GRID2: variants seen among roughly 807,000 people sequenced by gnomAD.
GRID2 encodes the protein glutamate receptor ionotropic, delta-2.
GRID2 carries 33 observed loss-of-function variants against 114.8 expected under a neutral mutation model. The ratio of observed to expected loss-of-function variants is 0.29; its 90% confidence interval spans 0.22 to 0.38. The LOEUF is 0.38. Ranked by LOEUF, GRID2 falls within the 10% of genes least tolerant of loss-of-function variation. The pLI, the probability that GRID2 is intolerant of heterozygous loss-of-function variation, is 1.00. For missense variants in GRID2, 1,184 were observed against 1,257.7 expected (o/e 0.94, Z 0.89); for synonymous variants, 505 against 449.9 (o/e 1.12, Z -1.55).
At chr4:93,533,295 TTCCTTCC>T (rs1731676656) in intron 13 of GRID2, among the ~76,000 whole-genome samples, 2 of 145,318 alleles carry the variant, frequency 1.4e-5, no homozygotes, top group Non-Finnish European at 3.0e-5. Context: ...CCTTCCTTCC[TTCCTTCC>T]TTCCTTCCTT....
At chr4:92,441,009 T>C (rs1484923457) in intron 1 of GRID2, among the ~76,000 whole-genome samples, 7 of 151,910 alleles carry the variant, frequency 4.6e-5, no homozygotes, top group African/African-American at 1.7e-4. Context: ...TAGTTTGTGA[T>C]TTTGAGGGCC....
At chr4:92,609,343 A>T (rs1233999192) in intron 2 of GRID2, among the ~76,000 whole-genome samples, 1 of 151,722 alleles carries the variant, frequency 6.6e-6, no homozygotes, top group Non-Finnish European at 1.5e-5. Context: ...TCATGGTACC[A>T]GTGTAAAACA....
chr4:92,523,659 G>T (rs954575470), intron 1 of GRID2, among the ~76,000 whole-genome samples: 2 of 152,018 alleles, frequency 1.3e-5, no homozygotes, highest in Non-Finnish European at 2.9e-5. Context: ...GTAAGATAAA[G>T]ACTGTAAAAG....
intron 13 of GRID2, among the ~76,000 whole-genome samples, chr4:93,588,963 A>T (rs1438788416): frequency 6.6e-6 from 1 of 152,026 alleles, no homozygotes; most frequent in Admixed American, 6.5e-5. Flanking sequence ...CATATACATT[A>T]TACCCAGAAT....
chr4:93,402,938 A>C (rs1254377745), intron 9 of GRID2, among the ~76,000 whole-genome samples: 1 of 152,068 alleles, frequency 6.6e-6, no homozygotes, highest in East Asian at 1.9e-4. Context: ...GACTTTCAGA[A>C]TTTTCATCGC....
chr4:93,018,487 T>A (rs1188513193), intron 2 of GRID2, among the ~76,000 whole-genome samples: 1 of 152,128 alleles, frequency 6.6e-6, no homozygotes, highest in Non-Finnish European at 1.5e-5. Flanking sequence ...TCGTTATTCA[T>A]CCATCACTGG....
At chr4:93,669,443 G>T (rs981448568) in intron 14 of GRID2, among the ~76,000 whole-genome samples, 1 of 151,878 alleles carries the variant, frequency 6.6e-6, no homozygotes, top group Non-Finnish European at 1.5e-5. Context: ...CATTTAAAAT[G>T]ATATGCTACC....
At chr4:93,691,815 G>C (rs1258958641) in intron 14 of GRID2, among the ~76,000 whole-genome samples, 1 of 151,608 alleles carries the variant, frequency 6.6e-6, no homozygotes, top group Non-Finnish European at 1.5e-5. Context: ...CATATATATA[G>C]ATATTTTCTC....
chr4:93,547,512 G>T (rs1733336323), intron 13 of GRID2, among the ~76,000 whole-genome samples: 1 of 152,190 alleles, frequency 6.6e-6, no homozygotes, highest in African/African-American at 2.4e-5. Context: ...CTCTTAGTGA[G>T]ATGTGACTTC....
chr4:93,648,061 T>C (rs544501131), intron 14 of GRID2, among the ~76,000 whole-genome samples: 1 of 152,296 alleles, frequency 6.6e-6, no homozygotes, highest in Non-Finnish European at 1.5e-5. Flanking sequence ...CAAATCTGAC[T>C]TCAGCTGTCA....
At chr4:92,709,436 G>T (rs984188948) in intron 2 of GRID2, among the ~76,000 whole-genome samples, 12 of 151,812 alleles carry the variant, frequency 7.9e-5, no homozygotes, top group Non-Finnish European at 1.2e-4. Context: ...GTAATGATAC[G>T]CTATTCGCAG....
At chr4:93,231,280 A>G (rs933279237) in intron 7 of GRID2, among the ~76,000 whole-genome samples, 9 of 151,832 alleles carry the variant, frequency 5.9e-5, no homozygotes, top group African/African-American at 2.2e-4. Context: ...AATTTTCAAC[A>G]GGGCACTTCA....
Position 92,396,321 on chromosome 4 carries a change from G to T in GRID2, c.88+91577G>T, listed in dbSNP as rs567018006. ...TAGTGCATTATATTTTAAGAAAAAT[G>T]AGACCCAGAATGTCTTGCATGTTAT... On this transcript the variant is annotated intron_variant, in intron 1 of 15. Transcript: ENST00000282020. Among the ~76,000 whole-genome samples the T allele has an allele frequency of 8.6e-5, 13 of 152,044 alleles. No homozygotes were observed. In the East Asian group the frequency reaches 2.3e-3, roughly 27 times the overall value.
At chr4:93,141,185 TATC>T (rs1415541047) in intron 4 of GRID2, among the ~76,000 whole-genome samples, 2 of 152,222 alleles carry the variant, frequency 1.3e-5, no homozygotes, top group African/African-American at 2.4e-5. Flanking sequence ...TATTATTTCT[TATC>T]ATTATATATT....
At chr4:93,314,107 C>G (rs2149193930) in intron 8 of GRID2, among the ~76,000 whole-genome samples, 1 of 152,060 alleles carries the variant, frequency 6.6e-6, no homozygotes, top group East Asian at 1.9e-4. Context: ...AAGTTCAAGA[C>G]AAGCCTGGCC....
At chr4:93,721,638 TA>T (rs1210256646) in intron 14 of GRID2, among the ~76,000 whole-genome samples, 1 of 152,200 alleles carries the variant, frequency 6.6e-6, no homozygotes, top group African/African-American at 2.4e-5. Context: ...GTATTGGAAA[TA>T]ATGTATATAA....
chr4:92,739,513 A>G (rs761709050), intron 2 of GRID2, among the ~76,000 whole-genome samples: 4 of 151,982 alleles, frequency 2.6e-5, no homozygotes, highest in Non-Finnish European at 5.9e-5. Flanking sequence ...TAACACCTAT[A>G]TTGGAAAGTG....
intron 1 of GRID2, among the ~76,000 whole-genome samples, chr4:92,411,705 T>C (rs1244477719): frequency 2.2e-5 from 3 of 139,474 alleles, no homozygotes; most frequent in East Asian, 2.0e-4. Context: ...GTATTTCTTT[T>C]TTTTGTTTTT....
rs185865032 is a variant in GRID2 at position 92,930,066 on chromosome 4, T to A, written c.245-154929T>A. 4.0e-5 allele frequency among the ~76,000 whole-genome samples: 6 copies of A among 151,368 alleles called. No homozygotes were observed. In the East Asian group the frequency reaches 1.2e-3, roughly 29 times the overall value. On this transcript the variant is annotated intron_variant, in intron 2 of 15. Coordinates refer to ENST00000282020, the MANE Select transcript of GRID2 (RefSeq NM_001510.4). Reference sequence around the variant, plus strand: ...CACCACAGAAGAAGAAAATATGTATTGAAGAACAGTAGCATTTAATTTTCA... The same window carrying A: ...CACCACAGAAGAAGAAAATATGTATAGAAGAACAGTAGCATTTAATTTTCA...
Sources: gnomAD v4.1 joint callset for allele counts (sites outside exome capture counted in the v4.1 genomes callset) on GRCh38, gnomAD v4.1.1 for gene constraint, MANE v1.5 for transcripts, NCBI Gene and HGNC (gene_info 2026-07-23, HGNC 2026-07-21) for gene names.